Variants in RPA3 observed in about 807,000 individuals in gnomAD.
RPA3 encodes replication protein A 14 kDa subunit.
Under a neutral mutation model 13.7 loss-of-function variants are expected in RPA3, and 24 were observed. The ratio of observed to expected loss-of-function variants is 1.75; its 90% confidence interval spans 1.27 to 2.46. The LOEUF (loss-of-function observed/expected upper bound fraction) is 2.46, where lower values mean the gene tolerates loss of function less well. Ranked by LOEUF, RPA3 falls within the 30% of genes most tolerant of loss-of-function variation. The probability of loss-of-function intolerance (pLI) is 0.00; values close to 1 mark genes in which losing one functional copy is unlikely to be tolerated. For missense variants in RPA3, 183 were observed against 151.0 expected (o/e 1.21, Z -1.11); for synonymous variants, 59 against 51.2 (o/e 1.15, Z -0.65).
intron 2 of RPA3, among the ~76,000 whole-genome samples, chr7:7,707,453 T>C (rs1780634480): frequency 6.6e-6 from 1 of 152,214 alleles, no homozygotes; most frequent in Non-Finnish European, 1.5e-5. Context: ...CATTTAAACA[T>C]GTTGAACGTA....
Position 7,677,591 on chromosome 7 carries a change from CT to C in RPA3, c.-758+8238del, listed in dbSNP as rs1310036428. Among the ~76,000 whole-genome samples, 7 of 148,042 alleles carry C rather than the reference CT, an allele frequency of 4.7e-5. 1 individual carries two copies. Among genetic ancestry groups the C allele is most frequent in the South Asian group, 2.1e-4 (1 of 4,700 alleles). ...TTGTTGCAAAGGACAGGATTTCATT[CT>C]TTTTTTATGGCTAAATAGTATTCCA... On this transcript the variant is annotated intron_variant, in intron 4 of 7. Transcript: ENST00000223129.
chr7:7,704,894 G>A (rs984566325), intron 2 of RPA3, among the ~76,000 whole-genome samples: 1 of 149,610 alleles, frequency 6.7e-6, no homozygotes, highest in South Asian at 2.2e-4. Context: ...TTTGGGTAAA[G>A]TAAAATAGGC....
At chr7:7,687,714 AAAT>A (rs1357889994) in intron 2 of RPA3, among the ~76,000 whole-genome samples, 1 of 152,234 alleles carries the variant, frequency 6.6e-6, no homozygotes, top group African/African-American at 2.4e-5. Flanking sequence ...TTTCCATCAA[AAAT>A]GATATGTACT....
chr7:7,640,488 T>C lies in RPA3; in HGVS notation c.-70A>G. ...TGAAACTGTGCGCCCCGCGGGTGTC[T>C]ATGGGGCAGATTTCTCGGCACCAAT... On this transcript the variant is annotated 5_prime_UTR_variant, in exon 5 of 8. The change creates a new upstream start codon in the 5' untranslated region. Transcript: ENST00000223129. 5 of 1,424,544 alleles carry C rather than the reference T, an allele frequency of 3.5e-6. No individual in the cohort carries two copies. The highest frequency in any genetic ancestry group is 1.7e-5 in the Admixed American group (1 of 58,096). 88.2% of individuals were successfully genotyped at this position (1,424,544 alleles called of 1,614,324 possible).
chr7:7,703,679 G>A (rs957740273), intron 2 of RPA3, among the ~76,000 whole-genome samples: 5 of 152,080 alleles, frequency 3.3e-5, no homozygotes, highest in Non-Finnish European at 5.9e-5. Flanking sequence ...ATTATGAAAC[G>A]CAGACATCTC....
chr7:7,647,533 C>T (rs554343480), intron 4 of RPA3, among the ~76,000 whole-genome samples: 4 of 152,252 alleles, frequency 2.6e-5, no homozygotes, highest in Admixed American at 2.0e-4. Flanking sequence ...TCTCAATTAT[C>T]GATAAATATG....
chr7:7,709,873 G>A (rs770445105), intron 2 of RPA3, among the ~76,000 whole-genome samples: 2 of 151,842 alleles, frequency 1.3e-5, no homozygotes, highest in Non-Finnish European at 2.9e-5. Flanking sequence ...ATAATTTCTT[G>A]TTAACCTTGA....
intron 2 of RPA3, among the ~76,000 whole-genome samples, chr7:7,691,085 T>G (rs1330810033): frequency 2.0e-5 from 3 of 152,222 alleles, no homozygotes; most frequent in Non-Finnish European, 4.4e-5. Context: ...TTCCTGGAAC[T>G]GAGCAGAAGT....
At chr7:7,665,900 G>A (rs1370663468) in intron 4 of RPA3, among the ~76,000 whole-genome samples, 5 of 150,618 alleles carry the variant, frequency 3.3e-5, no homozygotes, top group Admixed American at 6.6e-5. Flanking sequence ...CGAATGGGAT[G>A]CATATGGCAG....
intron 4 of RPA3, among the ~76,000 whole-genome samples, chr7:7,643,432 C>T (rs756346569): frequency 1.3e-5 from 2 of 152,182 alleles, no homozygotes; most frequent in Admixed American, 6.5e-5. Context: ...GGATCAGGGC[C>T]GGGCGCGGTG....
chr7:7,707,606 T>A (rs1050894162), intron 2 of RPA3, among the ~76,000 whole-genome samples: 1 of 152,200 alleles, frequency 6.6e-6, no homozygotes, highest in Non-Finnish European at 1.5e-5. Context: ...TTCATAAAGC[T>A]AACAAATAAT....
chr7:7,649,970 C>A (rs1306558788), intron 4 of RPA3, among the ~76,000 whole-genome samples: 1 of 152,226 alleles, frequency 6.6e-6, no homozygotes, highest in Non-Finnish European at 1.5e-5. Flanking sequence ...GAGCTTTGAT[C>A]TTACACTTTC....
chr7:7,654,291 G>A (rs1233591700), intron 4 of RPA3, among the ~76,000 whole-genome samples: 1 of 152,206 alleles, frequency 6.6e-6, no homozygotes, highest in Non-Finnish European at 1.5e-5. Flanking sequence ...TTACCCAAGT[G>A]AGGCCATCTG....
rs1345578672 is a variant in RPA3 at position 7,715,181 on chromosome 7, C to T, written c.-1034G>A. 6.6e-6 allele frequency: 1 copy of T among 152,144 alleles called. No homozygotes were observed. Among genetic ancestry groups the T allele is most frequent in the Non-Finnish European group, 1.5e-5 (1 of 68,038 alleles). The allele number at this position is 152,144 out of a possible 1,614,324, so 9.4% of individuals were successfully genotyped here. ...TTAAAGAAAATAAACTTACCTGAAACTATTGTATTCCCTGTGCATTGTCTT... is the reference window on the plus strand; with the variant it reads ...TTAAAGAAAATAAACTTACCTGAAATTATTGTATTCCCTGTGCATTGTCTT... On this transcript the variant is annotated 5_prime_UTR_variant, in exon 2 of 8. Coordinates refer to ENST00000223129, the MANE Select transcript of RPA3 (RefSeq NM_002947.5).
At chr7:7,681,580 G>A (rs1028033400) in intron 4 of RPA3, among the ~76,000 whole-genome samples, 2 of 152,108 alleles carry the variant, frequency 1.3e-5, no homozygotes, top group African/African-American at 4.8e-5. Flanking sequence ...CACGTAAGAA[G>A]GTAATAGCTA....
intron 1 of RPA3, among the ~76,000 whole-genome samples, chr7:7,717,610 A>T (rs1288699977): frequency 6.6e-6 from 1 of 152,236 alleles, no homozygotes; most frequent in Non-Finnish European, 1.5e-5. Flanking sequence ...TCTCAATCAC[A>T]TTGGCTAACA....
intron 2 of RPA3, among the ~76,000 whole-genome samples, chr7:7,711,336 G>C (rs1780757859): frequency 6.6e-6 from 1 of 152,204 alleles, no homozygotes; most frequent in Non-Finnish European, 1.5e-5. Flanking sequence ...ACATATGTGA[G>C]CTTTCCTCTA....
chr7:7,713,535 C>A (rs1275502708), intron 2 of RPA3, among the ~76,000 whole-genome samples: 1 of 151,670 alleles, frequency 6.6e-6, no homozygotes, highest in Non-Finnish European at 1.5e-5. Flanking sequence ...TTCAAAAGAC[C>A]AGTTTTAGGA....
At chr7:7,690,764 C>A (rs943475607) in intron 2 of RPA3, among the ~76,000 whole-genome samples, 19 of 152,086 alleles carry the variant, frequency 1.2e-4, no homozygotes, top group Non-Finnish European at 1.5e-5. Context: ...ATGGTATGAA[C>A]CAATTATAGT....
Sources: allele counts gnomAD v4.1 joint callset (sites outside exome capture counted in the v4.1 genomes callset), GRCh38; gene constraint gnomAD v4.1.1; transcripts MANE v1.5; gene names NCBI Gene and HGNC (gene_info 2026-07-23, HGNC 2026-07-21).